Variants in EFCAB5 observed in about 807,000 individuals in gnomAD.
EFCAB5 encodes EF-hand calcium binding domain 5.
Under a neutral mutation model 167.9 loss-of-function variants are expected in EFCAB5, and 131 were observed. That is an observed-to-expected ratio of 0.78 (90% CI 0.68 to 0.90). The LOEUF is 0.90. Among genes scored for constraint, EFCAB5 ranks in the 40% least tolerant of loss-of-function variants. EFCAB5 has a pLI of 0.00. For synonymous variants in EFCAB5, 574 were observed against 602.8 expected, an observed-to-expected ratio of 0.95 and a Z score of 0.70; for missense variants, 1,663 against 1,745.2, an observed-to-expected ratio of 0.95 and a Z score of 0.84.
At chr17:30,091,745 G>A (rs1364466247) in intron 20 of EFCAB5, 126 bp from the exon 21 acceptor site, 6 of 1,053,568 alleles carry the variant, frequency 5.7e-6, no homozygotes, top group Non-Finnish European at 7.9e-6. Context: ...TAAAACCAAA[G>A]GCTATGGTCT....
intron 8 of EFCAB5, among the ~76,000 whole-genome samples, chr17:30,039,445 T>G (rs1281509985): frequency 2.6e-5 from 4 of 152,214 alleles, no homozygotes; most frequent in Non-Finnish European, 5.9e-5. Context: ...TTATAACATT[T>G]GATGCTTGCC....
At chr17:29,979,506 A>G (rs1216452973) in intron 4 of EFCAB5, among the ~76,000 whole-genome samples, 3 of 152,176 alleles carry the variant, frequency 2.0e-5, no homozygotes, top group African/African-American at 7.2e-5. Context: ...TACCATACAT[A>G]TTAACTAATC....
upstream of EFCAB5, among the ~76,000 whole-genome samples, chr17:29,939,745 A>G (rs1413909562): frequency 6.6e-6 from 1 of 152,216 alleles, no homozygotes; most frequent in Non-Finnish European, 1.5e-5. Context: ...CCTTCACAGA[A>G]TTGAAGAGAA....
At chr17:29,952,590 C>T (rs565115566) in intron 3 of EFCAB5, among the ~76,000 whole-genome samples, 1 of 152,102 alleles carries the variant, frequency 6.6e-6, no homozygotes, top group East Asian at 1.9e-4. Context: ...ATGAACTAGA[C>T]CTATACCTTT....
intron 19 of EFCAB5, among the ~76,000 whole-genome samples, chr17:30,088,345 T>A (rs2071129409): frequency 6.6e-6 from 1 of 152,202 alleles, no homozygotes; most frequent in African/African-American, 2.4e-5. Flanking sequence ...TCCCAAGTCC[T>A]TTTTAAAACA....
At chr17:30,079,935 A>G in intron 15 of EFCAB5, 137 bp from the exon 16 acceptor site, 2 of 1,015,744 alleles carry the variant, frequency 2.0e-6, no homozygotes, top group Non-Finnish European at 2.8e-6. Flanking sequence ...ACTGCCCATG[A>G]ATAGTAATAT....
intron 22 of EFCAB5, among the ~76,000 whole-genome samples, chr17:30,098,019 C>T (rs943622662): frequency 9.2e-5 from 14 of 152,260 alleles, no homozygotes; most frequent in Non-Finnish European, 1.8e-4. Flanking sequence ...ACTGCAGCCT[C>T]GACCTCCCTG....
chr17:29,936,382 C>G (rs1416734149), intron 1 of EFCAB5, among the ~76,000 whole-genome samples: 1 of 152,116 alleles, frequency 6.6e-6, no homozygotes, highest in African/African-American at 2.4e-5. Flanking sequence ...GTGCAGCACA[C>G]CAACATGGCA....
intron 19 of EFCAB5, 189 bp from the exon 20 acceptor site, chr17:30,090,232 A>G: frequency 2.8e-6 from 2 of 722,840 alleles, no homozygotes; most frequent in South Asian, 2.1e-5. Flanking sequence ...GTTTGAGCAG[A>G]GACATGAGTG....
intron 7 of EFCAB5, among the ~76,000 whole-genome samples, chr17:30,022,306 G>A (rs527543091): frequency 2.8e-4 from 43 of 152,194 alleles, no homozygotes; most frequent in Middle Eastern, 3.4e-3. Context: ...TTATTTCCCC[G>A]TCTGAGGGTT....
At chr17:30,039,817 A>G (rs1051270773) in intron 8 of EFCAB5, among the ~76,000 whole-genome samples, 1 of 152,176 alleles carries the variant, frequency 6.6e-6, no homozygotes, top group Non-Finnish European at 1.5e-5. Context: ...GTCACTGGAA[A>G]GGATCCTTCT....
chr17:29,983,690 A>G (rs533292794), intron 4 of EFCAB5, among the ~76,000 whole-genome samples: 1 of 152,290 alleles, frequency 6.6e-6, no homozygotes, highest in East Asian at 1.9e-4. Context: ...TGTAAAGTAA[A>G]CATCTTCATG....
In EFCAB5 at chr17:30,078,369, T is replaced by C; in HGVS notation, c.2892T>C (p.Ala964=). ...GTGTTGTGGAATTTCTGATGAATGC[T>C]TTAGAGAGGAGCCACATTGAGAGTC... ...LESVVEFLMN[A]LERSHIESLR... Residue 964 remains alanine, a synonymous_variant, in exon 15 of 23, where the codon GCT becomes GCC. Transcript: ENST00000394835. The C allele has an allele frequency of 1.2e-6, 2 of 1,614,002 alleles. No homozygotes were observed. Among genetic ancestry groups the C allele is most frequent in the Non-Finnish European group, 1.7e-6 (2 of 1,179,892 alleles).
chr17:29,973,546 C>A (rs2151589876), intron 4 of EFCAB5, among the ~76,000 whole-genome samples: 1 of 141,016 alleles, frequency 7.1e-6, no homozygotes, highest in Non-Finnish European at 1.5e-5. Context: ...GTGGCGGGAT[C>A]TTGGCTCACT....
At chr17:30,044,579 A>AG (rs1359064965) in intron 8 of EFCAB5, among the ~76,000 whole-genome samples, 1 of 152,028 alleles carries the variant, frequency 6.6e-6, no homozygotes, top group East Asian at 1.9e-4. Context: ...CGATCTCACA[A>AG]GAAAAAAAAA....
At chr17:29,943,041 A>AATATAT (rs34181760) in intron 2 of EFCAB5, among the ~76,000 whole-genome samples, 29 of 147,604 alleles carry the variant, frequency 2.0e-4, no homozygotes, top group Middle Eastern at 3.2e-3. Context: ...GCATCTCCAA[A>AATATAT]ATATATATAT....
intron 22 of EFCAB5, 22 bp downstream of exon 22, chr17:30,092,958 G>A (rs1467626181): frequency 6.4e-7 from 1 of 1,551,448 alleles, no homozygotes; most frequent in East Asian, 2.3e-5. Context: ...CTTAATTACA[G>A]CCTAAATCTA....
At chr17:29,940,740 A>C (rs969259560), upstream of EFCAB5, among the ~76,000 whole-genome samples, 2 of 152,114 alleles carry the variant, frequency 1.3e-5, no homozygotes, top group African/African-American at 2.4e-5. Flanking sequence ...TGTTATGTTG[A>C]TAAAAAGAAA....
At chr17:30,099,845 C>T (rs1214187357) in intron 22 of EFCAB5, among the ~76,000 whole-genome samples, 2 of 151,992 alleles carry the variant, frequency 1.3e-5, no homozygotes, top group African/African-American at 2.4e-5. Context: ...AAGCTGTGTG[C>T]CCACAGAGCG....
Sources: allele counts gnomAD v4.1 joint callset (sites outside exome capture counted in the v4.1 genomes callset), GRCh38; gene constraint gnomAD v4.1.1; transcripts MANE v1.5; gene names NCBI Gene and HGNC (gene_info 2026-07-23, HGNC 2026-07-21).